E2F3: variants seen among roughly 807,000 people sequenced by gnomAD.
E2F3 encodes E2F transcription factor 3.
In E2F3, 11 loss-of-function variants were observed where a neutral mutation model predicts 44.4. The ratio of observed to expected loss-of-function variants is 0.25; its 90% CI spans 0.16 to 0.41. The LOEUF (loss-of-function observed/expected upper bound fraction) is 0.41, where lower values mean the gene tolerates loss of function less well. E2F3 is among the 10% of genes least tolerant of loss of function. The pLI is 1.00. For synonymous variants in E2F3, 249 were observed against 253.0 expected (o/e 0.98, Z 0.15); for missense variants, 487 against 583.6 (o/e 0.83, Z 1.70).
intron 1 of E2F3, among the ~76,000 whole-genome samples, chr6:20,446,717 C>T (rs1266539526): frequency 2.0e-5 from 3 of 152,082 alleles, no homozygotes; most frequent in East Asian, 1.9e-4. Context: ...TACAGGTGTG[C>T]GCTACCACAC....
At position 20,478,592 on chromosome 6, in the gene E2F3, A is replaced by G. The variant is rs534075582; in HGVS notation, c.394-1254A>G. On this transcript the variant is annotated intron_variant, in intron 1 of 6. Transcript: ENST00000346618. The stretch of plus-strand genomic sequence containing the variant: ...GGGAGGCCAAGGTGGGCAGATCACC[A>G]AAGATCAGGACTTCGAGACCAGCCT... 2.6e-5 allele frequency among the ~76,000 whole-genome samples: 4 copies of G among 152,300 alleles called. No homozygotes were observed. The South Asian group carries it at 6.2e-4, about 24-fold the overall frequency.
chr6:20,411,656 G>A (rs1759677171), intron 1 of E2F3, among the ~76,000 whole-genome samples: 1 of 152,184 alleles, frequency 6.6e-6, no homozygotes, highest in Non-Finnish European at 1.5e-5. Context: ...TCCCTCTGGT[G>A]TGTTTGCTCG....
intron 1 of E2F3, among the ~76,000 whole-genome samples, chr6:20,479,373 A>C (rs1484027564): frequency 6.6e-6 from 1 of 152,248 alleles, no homozygotes; most frequent in Non-Finnish European, 1.5e-5. Flanking sequence ...TAAGTCTTAC[A>C]GTAATACCGA....
chr6:20,442,399 A>G (rs550535479), intron 1 of E2F3, among the ~76,000 whole-genome samples: 17 of 152,206 alleles, frequency 1.1e-4, no homozygotes, highest in Non-Finnish European at 2.9e-5. Context: ...CACATGTCAG[A>G]TATTATTTCA....
At chr6:20,472,349 G>T (rs1761921224) in intron 1 of E2F3, among the ~76,000 whole-genome samples, 1 of 152,130 alleles carries the variant, frequency 6.6e-6, no homozygotes, top group Admixed American at 6.6e-5. Context: ...AAGGCCAAGG[G>T]TGTCATGGTC....
At chr6:20,440,905 C>A (rs1431018661) in intron 1 of E2F3, among the ~76,000 whole-genome samples, 1 of 151,866 alleles carries the variant, frequency 6.6e-6, no homozygotes, top group African/African-American at 2.4e-5. Flanking sequence ...GTGGGAAGAC[C>A]CCAAAATCCA....
intron 1 of E2F3, among the ~76,000 whole-genome samples, chr6:20,451,458 G>T (rs1391138702): frequency 6.6e-6 from 1 of 152,158 alleles, no homozygotes; most frequent in Non-Finnish European, 1.5e-5. Context: ...GAGCTTTTGG[G>T]CTGAGACTAT....
At chr6:20,453,543 T>C (rs1761205886) in intron 1 of E2F3, among the ~76,000 whole-genome samples, 1 of 152,076 alleles carries the variant, frequency 6.6e-6, no homozygotes, top group Admixed American at 6.6e-5. Flanking sequence ...GCCTCCTGAG[T>C]AGCTGGGACC....
At chr6:20,488,994 A>AAAAAGAAAAG (rs4134978) in intron 6 of E2F3, among the ~76,000 whole-genome samples, 1 of 151,964 alleles carries the variant, frequency 6.6e-6, no homozygotes, top group African/African-American at 2.4e-5. Context: ...TCCATCTCAA[A>AAAAAGAAAAG]AAAAGAAAAG....
chr6:20,478,316 CCT>C (rs1246327891), intron 1 of E2F3, among the ~76,000 whole-genome samples: 1 of 151,986 alleles, frequency 6.6e-6, no homozygotes, highest in Non-Finnish European at 1.5e-5. Context: ...GATATTTTAC[CCT>C]GTTTTGTACT....
At chr6:20,472,758 G>A (rs191381483) in intron 1 of E2F3, among the ~76,000 whole-genome samples, 21 of 152,340 alleles carry the variant, frequency 1.4e-4, no homozygotes, top group Middle Eastern at 3.4e-3. Context: ...CAAGCTGGGT[G>A]TAATAATACC....
chr6:20,490,573 A>T lies in E2F3; in HGVS notation c.*143A>T, dbSNP rs140174545. 849 of 859,492 alleles carry T rather than the reference A, an allele frequency of 9.9e-4. 2 individuals carry two copies. Among genetic ancestry groups the T allele is most frequent in the Non-Finnish European group, 1.3e-3 (781 of 607,894 alleles). The allele number at this position is 859,492 out of a possible 1,614,324, so 53.2% of individuals were successfully genotyped here. On this transcript the variant is annotated 3_prime_UTR_variant, in exon 7 of 7. Coordinates refer to ENST00000346618, the MANE Select transcript of E2F3 (RefSeq NM_001949.5). This position sits in a 1 kb window ranked among gnomAD's most constrained non-coding sequence, Gnocchi z 4.3. ...AACTACAAACTTCAGAAGAAAGCTG[A>T]CATTTTAATGAATTTTTTAAAAAAT... is the stretch of plus-strand genomic sequence containing the variant.
chr6:20,480,929 A>C (rs1325808846), intron 2 of E2F3, among the ~76,000 whole-genome samples: 1 of 152,182 alleles, frequency 6.6e-6, no homozygotes, highest in African/African-American at 2.4e-5. Flanking sequence ...TCTTCATTGG[A>C]GCCAGGGAAT....
At chr6:20,488,994 A>AAAAAG (rs4134978) in intron 6 of E2F3, among the ~76,000 whole-genome samples, 3,603 of 152,060 alleles carry the variant, frequency 0.024, 140 homozygotes, top group African/African-American at 0.081. Flanking sequence ...TCCATCTCAA[A>AAAAAG]AAAAGAAAAG....
chr6:20,493,264 G>C lies in E2F3; in HGVS notation c.*2834G>C, dbSNP rs571021462. 2 of 224,308 alleles carry C rather than the reference G, an allele frequency of 8.9e-6. No homozygotes were observed. The highest frequency in any genetic ancestry group is 1.3e-4 in the East Asian group (2 of 15,420). 13.9% of individuals were successfully genotyped at this position (224,308 alleles called of 1,614,324 possible). ...GCTCTTGTTTTCATTTTTGTTGTAC[G>C]TGTAGATCTGTAAATAAAATTGCAG... On this transcript the variant is annotated 3_prime_UTR_variant, in exon 7 of 7. Transcript: ENST00000346618.
chr6:20,423,441 CATT>C (rs1178741958), intron 1 of E2F3, among the ~76,000 whole-genome samples: 4 of 152,204 alleles, frequency 2.6e-5, no homozygotes, highest in East Asian at 1.9e-4. Flanking sequence ...CTGAAAGCAT[CATT>C]GTTTGGCAGA....
intron 1 of E2F3, among the ~76,000 whole-genome samples, chr6:20,428,502 C>T (rs1042878063): frequency 6.6e-5 from 10 of 152,174 alleles, no homozygotes; most frequent in African/African-American, 2.2e-4. Context: ...GGATTACAGA[C>T]GTGAGCCACC....
At chr6:20,428,149 T>C (rs1760276728) in intron 1 of E2F3, among the ~76,000 whole-genome samples, 1 of 152,208 alleles carries the variant, frequency 6.6e-6, no homozygotes, top group Admixed American at 6.5e-5. Flanking sequence ...GACTTTGGAG[T>C]TTAAAATCTC....
intron 1 of E2F3, among the ~76,000 whole-genome samples, chr6:20,403,446 C>T (rs916737364): frequency 7.2e-5 from 11 of 152,144 alleles, no homozygotes; most frequent in Admixed American, 2.6e-4. Flanking sequence ...CTCTCCGCCC[C>T]CCGGCGACGG....
Sources: gnomAD v4.1 joint callset for allele counts (sites outside exome capture counted in the v4.1 genomes callset) on GRCh38, gnomAD v4.1.1 for gene constraint, Gnocchi (gnomAD v3.1) non-coding constraint, MANE v1.5 for transcripts, NCBI Gene and HGNC (gene_info 2026-07-23, HGNC 2026-07-21) for gene names.